CNTN5: variants seen among roughly 807,000 people sequenced by gnomAD.
CNTN5 encodes the protein contactin 5, also known as contactin-5.
A neutral mutation model predicts 129.1 loss-of-function variants in CNTN5; 77 were observed. The observed-to-expected ratio is 0.60, with a 90% CI of 0.50 to 0.72. The LOEUF (loss-of-function observed/expected upper bound fraction) is 0.72. CNTN5 is among the 30% of genes least tolerant of loss of function. CNTN5 has a pLI of 0.00. For synonymous variants in CNTN5, 509 were observed against 465.6 expected (o/e 1.09, Z -1.20); for missense variants, 1,478 against 1,328.8 (o/e 1.11, Z -1.75).
chr11:99,219,964 G>T (rs984466388), intron 1 of CNTN5, among the ~76,000 whole-genome samples: 3 of 151,954 alleles, frequency 2.0e-5, no homozygotes, highest in African/African-American at 4.8e-5. Context: ...AAGAGACTGG[G>T]TCTAAAACTT....
At chr11:99,871,494 T>C (rs973573534) in intron 6 of CNTN5, among the ~76,000 whole-genome samples, 13 of 152,056 alleles carry the variant, frequency 8.5e-5, no homozygotes, top group Non-Finnish European at 1.5e-4. Context: ...TTAACAGCTG[T>C]AATTTGGATC....
chr11:99,672,398 C>CT (rs1057356646), intron 3 of CNTN5, among the ~76,000 whole-genome samples: 9 of 151,856 alleles, frequency 5.9e-5, no homozygotes, highest in African/African-American at 2.2e-4. Flanking sequence ...TAGGTGCTGG[C>CT]TATAGTGTGA....
chr11:99,496,428 G>A (rs1201381851), intron 2 of CNTN5, among the ~76,000 whole-genome samples: 2 of 152,070 alleles, frequency 1.3e-5, no homozygotes, highest in East Asian at 3.9e-4. Flanking sequence ...AATCTAAGGA[G>A]AAGAATGTTT....
chr11:100,007,824 C>T (rs1048728579), intron 9 of CNTN5, among the ~76,000 whole-genome samples: 1 of 151,786 alleles, frequency 6.6e-6, no homozygotes, highest in Non-Finnish European at 1.5e-5. Context: ...TAACTGAGCA[C>T]AGGCCTAGCT....
In CNTN5 at chr11:100,040,464, C is replaced by T. The variant is rs550065465; in HGVS notation, c.981-20748C>T. ...CTTCCCATTCTCAGATCTCAAGCTG[C>T]GTGCTGGGAGAAGCACTGCTCTCTT... On this transcript the variant is annotated intron_variant, in intron 9 of 24. Transcript: ENST00000524871. Among the ~76,000 whole-genome samples, 17 of 152,316 alleles carry T rather than the reference C, an allele frequency of 1.1e-4. No individual in the cohort carries two copies. The South Asian group carries it at 1.9e-3, about 17-fold the overall frequency.
intron 1 of CNTN5, among the ~76,000 whole-genome samples, chr11:99,134,388 C>T (rs1035756884): frequency 1.2e-4 from 19 of 152,164 alleles, no homozygotes; most frequent in African/African-American, 4.1e-4. Flanking sequence ...ACATTCTGCA[C>T]TTGCACCCTG....
chr11:100,236,454 T>C (rs1466807407), intron 16 of CNTN5, among the ~76,000 whole-genome samples: 1 of 152,192 alleles, frequency 6.6e-6, no homozygotes, highest in East Asian at 1.9e-4. Flanking sequence ...ATTTGCCCAA[T>C]GTTTCCCCTT....
intron 12 of CNTN5, 145 bp downstream of exon 12, chr11:100,071,979 T>C (rs1280896045): frequency 1.3e-6 from 1 of 775,888 alleles, no homozygotes; most frequent in East Asian, 2.8e-5. Context: ...GCTGATTTTT[T>C]TTAACTTTAG....
chr11:100,102,850 T>C (rs780052599), intron 13 of CNTN5, among the ~76,000 whole-genome samples: 68 of 152,280 alleles, frequency 4.5e-4, no homozygotes, highest in Non-Finnish European at 9.0e-4. Flanking sequence ...AGCACTAGGC[T>C]TAATGTGATT....
At chr11:99,574,943 G>C (rs529145268) in intron 3 of CNTN5, among the ~76,000 whole-genome samples, 1 of 151,958 alleles carries the variant, frequency 6.6e-6, no homozygotes, top group African/African-American at 2.4e-5. Flanking sequence ...AATGAAAAAT[G>C]GTACATTTTT....
rs568400224 is a variant in CNTN5 at position 100,138,194 on chromosome 11, A to G, written c.1581-52932A>G. On this transcript the variant is annotated intron_variant, in intron 13 of 24. Transcript: ENST00000524871. Reference sequence around the variant, plus strand: ...AAGAGTTGATTTAAGGGTACTTTTAAAAATCCAACTTGAAATGTTCTGTAG... The same window carrying G: ...AAGAGTTGATTTAAGGGTACTTTTAGAAATCCAACTTGAAATGTTCTGTAG... Among the ~76,000 whole-genome samples, 59 of 152,178 alleles carry G rather than the reference A, an allele frequency of 3.9e-4. No homozygotes were observed. In the South Asian group the frequency reaches 0.01, roughly 26 times the overall value.
At chr11:99,585,055 G>T (rs1340976071) in intron 3 of CNTN5, among the ~76,000 whole-genome samples, 1 of 152,144 alleles carries the variant, frequency 6.6e-6, no homozygotes, top group Non-Finnish European at 1.5e-5. Context: ...GATTGTTAAG[G>T]ATTTGTGCAA....
chr11:99,771,768 A>C (rs1944954275), intron 3 of CNTN5, among the ~76,000 whole-genome samples: 1 of 151,972 alleles, frequency 6.6e-6, no homozygotes, highest in Non-Finnish European at 1.5e-5. Flanking sequence ...TAAACTTGAA[A>C]TTTGCTAAGA....
chr11:99,760,293 C>G (rs546849689), intron 3 of CNTN5, among the ~76,000 whole-genome samples: 4 of 152,098 alleles, frequency 2.6e-5, no homozygotes. Context: ...GTCACAATTA[C>G]GCTAATTCTG....
chr11:99,805,987 G>A (rs530695417), intron 3 of CNTN5, among the ~76,000 whole-genome samples: 5 of 152,150 alleles, frequency 3.3e-5, no homozygotes, highest in Admixed American at 3.3e-4. Context: ...CAGCATGTGA[G>A]GTGTCACTAG....
intron 1 of CNTN5, among the ~76,000 whole-genome samples, chr11:99,036,662 G>A (rs995653895): frequency 6.6e-6 from 1 of 152,102 alleles, no homozygotes; most frequent in Non-Finnish European, 1.5e-5. Flanking sequence ...TTCCTCCATA[G>A]CGATGATACT....
intron 2 of CNTN5, among the ~76,000 whole-genome samples, chr11:99,340,091 C>A (rs928158794): frequency 6.6e-6 from 1 of 152,148 alleles, no homozygotes; most frequent in East Asian, 1.9e-4. Context: ...GCATAAAGGA[C>A]GATCCCAGTA....
intron 9 of CNTN5, among the ~76,000 whole-genome samples, chr11:100,004,319 T>C (rs539573207): frequency 3.8e-4 from 58 of 152,218 alleles, no homozygotes; most frequent in Non-Finnish European, 7.8e-4. Context: ...TCTTGTGGCC[T>C]TTGCACTTGC....
chr11:100,009,424 T>C (rs575169521), intron 9 of CNTN5, among the ~76,000 whole-genome samples: 7 of 150,834 alleles, frequency 4.6e-5, no homozygotes, highest in African/African-American at 1.7e-4. Context: ...CAAAGGTATG[T>C]AAAGGCTTGG....
Sources: allele counts gnomAD v4.1 joint callset (sites outside exome capture counted in the v4.1 genomes callset), GRCh38; gene constraint gnomAD v4.1.1; transcripts MANE v1.5; gene names NCBI Gene and HGNC (gene_info 2026-07-23, HGNC 2026-07-21).